PAPPA: variants seen among roughly 807,000 people sequenced by gnomAD.
The protein encoded by PAPPA is pappalysin 1, also known as pappalysin-1.
PAPPA carries 60 observed loss-of-function variants against 164.0 expected under a neutral mutation model. The observed-to-expected ratio is 0.37, with a 90% confidence interval of 0.30 to 0.45. The LOEUF (loss-of-function observed/expected upper bound fraction) is 0.45. PAPPA is among the 20% of genes least tolerant of loss of function. The pLI is 1.00. For synonymous variants in PAPPA, 875 were observed against 814.1 expected (o/e 1.07, Z -1.27); for missense variants, 1,782 against 2,087.3 (o/e 0.85, Z 2.85).
chr9:116,297,421 C>T (rs1845523310), intron 9 of PAPPA, among the ~76,000 whole-genome samples: 1 of 152,186 alleles, frequency 6.6e-6, no homozygotes, highest in African/African-American at 2.4e-5. Context: ...TCCCTAATAT[C>T]TTGTACTGAG....
At chr9:116,396,446 C>T (rs561538094) in intron 21 of PAPPA, 63 bp from the exon 22 acceptor site, 2 of 775,842 alleles carry the variant, frequency 2.6e-6, no homozygotes, top group African/African-American at 1.7e-5. Flanking sequence ...CCCTGCGCTG[C>T]ACTGCCTTTC....
intron 10 of PAPPA, among the ~76,000 whole-genome samples, chr9:116,323,557 G>C (rs1051407386): frequency 6.6e-6 from 1 of 151,922 alleles, no homozygotes; most frequent in African/African-American, 2.4e-5. Flanking sequence ...GAAAGAAAGA[G>C]AGAGAGAGAG....
At chr9:116,188,327 A>G in intron 2 of PAPPA, 111 bp downstream of exon 2, 1 of 747,714 alleles carries the variant, frequency 1.3e-6, no homozygotes. Context: ...TTCTGGTTCA[A>G]CCAGCAGCTT....
chr9:116,331,766 T>A (rs529987155), intron 11 of PAPPA, among the ~76,000 whole-genome samples: 16 of 152,368 alleles, frequency 1.1e-4, no homozygotes, highest in African/African-American at 2.9e-4. Context: ...TCTTTCTTTC[T>A]GGCTAAGGAT....
intron 10 of PAPPA, among the ~76,000 whole-genome samples, chr9:116,314,156 C>A (rs1845758789): frequency 6.8e-6 from 1 of 147,298 alleles, no homozygotes; most frequent in Non-Finnish European, 1.5e-5. Context: ...ACTGCAGCCT[C>A]CACCTCCCAG....
At chr9:116,196,033 T>G (rs770567802) in intron 2 of PAPPA, among the ~76,000 whole-genome samples, 8 of 152,168 alleles carry the variant, frequency 5.3e-5, no homozygotes, top group Non-Finnish European at 1.2e-4. Flanking sequence ...TGGGGCTCAT[T>G]GAATAGTGAG....
intron 18 of PAPPA, 107 bp downstream of exon 18, chr9:116,362,846 G>A (rs555205892): frequency 3.2e-5 from 33 of 1,047,448 alleles, no homozygotes; most frequent in African/African-American, 1.4e-4. Context: ...GAGTTCCTGC[G>A]TAGGCACTAC....
intron 10 of PAPPA, chr9:116,318,804 C>G (rs1419212673): frequency 6.6e-6 from 1 of 152,166 alleles, no homozygotes; most frequent in African/African-American, 2.4e-5. Context: ...CACCCGCACC[C>G]CTGAAATTAC....
Position 116,188,016 on chromosome 9 carries a change from C to T in PAPPA, c.1278C>T (p.Pro426=), listed in dbSNP as rs373228073. 6.3e-4 allele frequency: 1,012 copies of T among 1,614,174 alleles called. 12 individuals carry two copies. In the South Asian group the frequency reaches 0.011, roughly 17 times the overall value. The change falls in exon 2 of 22, where the codon CCC becomes CCT. Residue 426 remains proline, a synonymous_variant. Coordinates refer to ENST00000328252, the MANE Select transcript of PAPPA (RefSeq NM_002581.5). ...ISKIGDENCD[P]ECNHTLTGHD... The stretch of plus-strand genomic sequence containing the variant: ...AGATTGGGGATGAGAACTGTGACCC[C>T]GAGTGCAACCACACGCTGACGGGCC...
Position 116,154,375 on chromosome 9 carries a change from C to T in PAPPA, c.203C>T (p.Ala68Val), listed in dbSNP as rs1359898217. 1.6e-5 allele frequency: 16 copies of T among 1,021,682 alleles called. No individual in the cohort carries two copies. Among genetic ancestry groups the T allele is most frequent in the Non-Finnish European group, 1.8e-5 (15 of 813,808 alleles). The allele number at this position is 1,021,682 out of a possible 1,614,324, so 63.3% of individuals were successfully genotyped here. The change falls in exon 1 of 22, where the codon GCC (alanine) becomes GTC (valine). Residue 68 changes from alanine (A) to valine (V), a missense_variant. Ala to Val is a moderately conservative substitution (Grantham distance 64). Around this residue, in one of 2 missense-constraint regions of PAPPA, gnomAD observed 458 missense variants for 430.3 expected, o/e 1.06. Transcript: ENST00000328252. The surrounding 1 kb of genome is among the most constrained non-coding windows in gnomAD (Gnocchi z 5.2). ...SPPPPPPPGG[A>V]WEAVRVPRRR... is the part of the protein sequence containing the mutation. The stretch of plus-strand genomic sequence containing the variant: ...CCGCCGCCGCCGCCGCCGGGCGGTG[C>T]CTGGGAAGCCGTGCGCGTCCCCCGG...
Position 116,334,965 on chromosome 9 carries a change from T to A in PAPPA, c.3502T>A (p.Ser1168Thr), listed in dbSNP as rs1846041944. The change falls in exon 13 of 22, where the codon TCG becomes ACG. Residue 1168 changes from serine (S) to threonine (T), a missense_variant. Physicochemically the swap from Ser to Thr is moderately conservative, Grantham distance 58. Around this residue, in one of 2 missense-constraint regions of PAPPA, gnomAD observed 1,324 missense variants for 1,656.9 expected, o/e 0.80. Transcript: ENST00000328252. ...HSQAVRVSFS[S>T]PLVAISGVAL... The stretch of plus-strand genomic sequence containing the variant: ...CCAGGCGGTACGTGTGAGCTTCAGT[T>A]CGCCCCTGGTCGCCATCTCGGGGGT... The A allele has an allele frequency of 6.2e-7, 1 of 1,612,790 alleles. No homozygotes were observed. Among genetic ancestry groups the A allele is most frequent in the Non-Finnish European group, 8.5e-7 (1 of 1,179,838 alleles).
chr9:116,212,155 G>A (rs560521873), intron 4 of PAPPA, among the ~76,000 whole-genome samples: 1 of 152,278 alleles, frequency 6.6e-6, no homozygotes, highest in African/African-American at 2.4e-5. Flanking sequence ...CTTCCTAAAT[G>A]TGCAGCACAT....
intron 2 of PAPPA, among the ~76,000 whole-genome samples, chr9:116,197,443 C>G (rs1844122028): frequency 6.6e-6 from 1 of 152,220 alleles, no homozygotes; most frequent in Non-Finnish European, 1.5e-5. Flanking sequence ...TCATATTTCT[C>G]AAGTCCCAGC....
chr9:116,214,874 C>A (rs1173225490), intron 4 of PAPPA, among the ~76,000 whole-genome samples: 1 of 152,126 alleles, frequency 6.6e-6, no homozygotes, highest in Non-Finnish European at 1.5e-5. Context: ...AGCAATTCCA[C>A]TTCTAAGGAA....
chr9:116,369,941 A>C (rs1232611281), intron 19 of PAPPA, among the ~76,000 whole-genome samples: 1 of 152,136 alleles, frequency 6.6e-6, no homozygotes, highest in Non-Finnish European at 1.5e-5. Context: ...CGAAGGGCAG[A>C]GATTGATGAT....
rs140550281 is a variant in PAPPA, at chr9:116,235,553, C to T, written c.2648C>T (p.Pro883Leu). Residue 883 changes from proline to leucine, a missense_variant, in exon 7 of 22, where the codon CCC (proline) becomes CTC (leucine). Physicochemically the swap from Pro to Leu is moderately conservative, Grantham distance 98. Transcript: ENST00000328252. Reference protein sequence around the residue: ...ADTPLCLQCKPLKYKVVRDPP... With the variant: ...ADTPLCLQCKLLKYKVVRDPP... ...ACCCCACTCTGTCTACAGTGTAAGCCCCTGAAGTATAAGGTGGTCCGGGAC... is the reference window on the plus strand; with the variant it reads ...ACCCCACTCTGTCTACAGTGTAAGCTCCTGAAGTATAAGGTGGTCCGGGAC... 1 of 1,613,548 alleles carries T rather than the reference C, an allele frequency of 6.2e-7. No individual in the cohort carries two copies. Among genetic ancestry groups the T allele is most frequent in the Non-Finnish European group, 8.5e-7 (1 of 1,180,004 alleles).
intron 2 of PAPPA, among the ~76,000 whole-genome samples, chr9:116,206,688 G>A (rs752516910): frequency 6.6e-5 from 10 of 152,126 alleles, no homozygotes; most frequent in Non-Finnish European, 1.3e-4. Flanking sequence ...TATTGAAATG[G>A]CAAATGAGAG....
chr9:116,216,886 C>T (rs1334070798), intron 4 of PAPPA, among the ~76,000 whole-genome samples: 5 of 152,014 alleles, frequency 3.3e-5, no homozygotes, highest in African/African-American at 7.2e-5. Flanking sequence ...GGATTACAGG[C>T]GTGCACCACC....
intron 5 of PAPPA, among the ~76,000 whole-genome samples, chr9:116,223,754 T>C (rs1296164775): frequency 6.6e-6 from 1 of 152,182 alleles, no homozygotes; most frequent in Non-Finnish European, 1.5e-5. Context: ...TCATGCAAAT[T>C]GGCTTAGTAG....
Sources: allele counts gnomAD v4.1 joint callset (sites outside exome capture counted in the v4.1 genomes callset), GRCh38; gene constraint gnomAD v4.1.1; regional missense constraint gnomAD v4.1.1; non-coding constraint Gnocchi (gnomAD v3.1); transcripts MANE v1.5; gene names NCBI Gene and HGNC (gene_info 2026-07-23, HGNC 2026-07-21).